The following FGL1 variants were observed in gnomAD, a reference collection of about 807,000 sequenced individuals.
FGL1 encodes the protein fibrinogen like 1.
FGL1 carries 59 observed loss-of-function variants against 43.7 expected under a neutral mutation model. That is an observed-to-expected ratio of 1.35 (90% CI 1.10 to 1.68). The LOEUF (loss-of-function observed/expected upper bound fraction) is 1.68, where lower values mean the gene tolerates loss of function less well. Ranked by LOEUF, FGL1 falls within the 40% of genes most tolerant of loss-of-function variation. FGL1 has a pLI of 0.00. For synonymous variants in FGL1, 192 were observed against 126.5 expected (o/e 1.52, Z -3.48); for missense variants, 596 against 373.0 (o/e 1.60, Z -4.92).
At chr8:17,866,019 T>C (rs1442582177) in intron 7 of FGL1, among the ~76,000 whole-genome samples, 1 of 152,174 alleles carries the variant, frequency 6.6e-6, no homozygotes, top group African/African-American at 2.4e-5. Flanking sequence ...TGGAAAGTAA[T>C]GTTAAAAAAA....
intron 1 of FGL1, among the ~76,000 whole-genome samples, chr8:17,889,152 T>C (rs1348261134): frequency 1.3e-5 from 2 of 152,170 alleles, no homozygotes; most frequent in East Asian, 1.9e-4. Flanking sequence ...GGGCCCATCA[T>C]CAAGGGGACA....
chr8:17,868,585 A>C lies in FGL1; in HGVS notation c.742T>G (p.Cys248Gly). Residue 248 changes from cysteine (C) to glycine (G), a missense_variant, in exon 7 of 8, where the codon TGC (cysteine) becomes GGC (glycine). Transcript: ENST00000427924. ...CAGCCAGACTGATCTTCTTCTGCGCAGTTCCCTTCATAGTTGTCATGATCT... is the reference window on the plus strand; with the variant it reads ...CAGCCAGACTGATCTTCTTCTGCGCCGTTCCCTTCATAGTTGTCATGATCT... ...DRDHDNYEGN[C>G]AEEDQSGWWF... 1 of 1,613,896 alleles carries C rather than the reference A, an allele frequency of 6.2e-7. No individual in the cohort carries two copies. Among genetic ancestry groups the C allele is most frequent in the Non-Finnish European group, 8.5e-7 (1 of 1,179,942 alleles).
chr8:17,893,535 T>A (rs912432633), intron 1 of FGL1, among the ~76,000 whole-genome samples: 1 of 150,432 alleles, frequency 6.6e-6, no homozygotes, highest in East Asian at 1.9e-4. Context: ...CTTGATGTCC[T>A]GAAATGTTTA....
intron 3 of FGL1, among the ~76,000 whole-genome samples, chr8:17,878,396 G>A (rs1024040025): frequency 6.6e-6 from 1 of 152,120 alleles, no homozygotes; most frequent in Non-Finnish European, 1.5e-5. Flanking sequence ...TGGGCAGCTG[G>A]ACTTTGAAAT....
chr8:17,874,636 A>G, intron 3 of FGL1, 115 bp from the exon 4 acceptor site: 2 of 640,266 alleles, frequency 3.1e-6, no homozygotes, highest in Non-Finnish European at 4.9e-6. Context: ...CACATGGTAT[A>G]GAAATCAGCG....
At chr8:17,882,661 GCTGT>G (rs1428660741) in intron 2 of FGL1, 1 of 128,534 alleles carries the variant, frequency 7.8e-6, no homozygotes, top group African/African-American at 3.6e-5. Flanking sequence ...TTTTTGAATG[GCTGT>G]CTGGTATAAA....
intron 5 of FGL1, among the ~76,000 whole-genome samples, chr8:17,869,983 A>G (rs1310631481): frequency 6.6e-6 from 1 of 152,018 alleles, no homozygotes; most frequent in Admixed American, 6.6e-5. Context: ...GGTGGCGGGC[A>G]CCTGTAGTCC....
chr8:17,868,322 G>C (rs1413599884), intron 7 of FGL1: 1 of 339,026 alleles, frequency 2.9e-6, no homozygotes, highest in African/African-American at 2.1e-5. Flanking sequence ...AATGATCTTT[G>C]TAAAAGTAAT....
rs769616084 is a variant in FGL1, at chr8:17,874,490, C to G, written c.276G>C (p.Lys92Asn). The G allele has an allele frequency of 1.2e-6, 2 of 1,610,014 alleles. No individual in the cohort carries two copies. The highest frequency in any genetic ancestry group is 2.7e-5 in the African/African-American group (2 of 74,642). The stretch of plus-strand genomic sequence containing the variant: ...GTTTGATTTTGTAAAATCCACTGAG[C>G]TTATACCCATCATTGAAAATCTCTG... ...DCSEIFNDGY[K>N]LSGFYKIKPL... Residue 92 changes from lysine to asparagine, a missense_variant, in exon 4 of 8, where the codon AAG becomes AAC. Coordinates refer to ENST00000427924, the MANE Select transcript of FGL1 (RefSeq NM_004467.4).
intron 1 of FGL1, among the ~76,000 whole-genome samples, chr8:17,892,558 A>C (rs1016480864): frequency 6.6e-6 from 1 of 152,202 alleles, no homozygotes; most frequent in Non-Finnish European, 1.5e-5. Flanking sequence ...ACGACATGAC[A>C]TAAATACCAT....
rs1563452139 is a variant in FGL1, at chr8:17,875,491, CTTT to C, written c.245-973_245-971del. 1.2e-3 allele frequency among the ~76,000 whole-genome samples: 10 copies of C among 8,240 alleles called. 1 individual carries two copies. The highest frequency in any genetic ancestry group is 2.7e-3 in the African/African-American group (9 of 3,330). The allele number at this position is 8,240 out of a possible 152,430, so 5.4% of individuals were successfully genotyped here. ...ACCAAAAAGTGATATCTCTTTCTTT[CTTT>C]CTTTCTTTCTTTCTTTCTTTCTTTC... On this transcript the variant is annotated intron_variant, in intron 3 of 7. Transcript: ENST00000427924.
intron 5 of FGL1, among the ~76,000 whole-genome samples, chr8:17,872,595 G>A (rs910564688): frequency 1.3e-5 from 2 of 152,134 alleles, no homozygotes; most frequent in African/African-American, 4.8e-5. Flanking sequence ...GAGCCACCAT[G>A]CCCAGCTGTT....
intron 5 of FGL1, among the ~76,000 whole-genome samples, chr8:17,872,698 C>G (rs2053382423): frequency 6.6e-6 from 1 of 152,052 alleles, no homozygotes; most frequent in South Asian, 2.1e-4. Context: ...TTGAGTGGGA[C>G]TGATGATAAT....
At chr8:17,881,833 CA>C (rs796756857) in intron 3 of FGL1, among the ~76,000 whole-genome samples, 165 bp downstream of exon 3, 10,184 of 103,222 alleles carry the variant, frequency 0.099, 351 homozygotes, top group South Asian at 0.14. Context: ...GACTCCGCCT[CA>C]AAAAAAAAAA....
Position 17,895,481 on chromosome 8 carries a change from G to C in FGL1, c.-52C>G. ...GAAGTGAGTCAGAGACCCAGCTCAGGTTCCATCCAGACACTCTGCTTCCCA... is the reference window on the plus strand; with the variant it reads ...GAAGTGAGTCAGAGACCCAGCTCAGCTTCCATCCAGACACTCTGCTTCCCA... On this transcript the variant is annotated 5_prime_UTR_variant, in exon 1 of 8. Coordinates refer to ENST00000427924, the MANE Select transcript of FGL1 (RefSeq NM_004467.4). The C allele has an allele frequency of 1.6e-6, 2 of 1,283,422 alleles. No homozygotes were observed. The highest frequency in any genetic ancestry group is 1.2e-5 in the South Asian group (1 of 80,782). The allele number at this position is 1,283,422 out of a possible 1,614,324, so 79.5% of individuals were successfully genotyped here. A position where few individuals can be genotyped will look rare whatever the true frequency, so the allele number is the denominator to read the frequency against.
In FGL1 at chr8:17,874,126, G is replaced by A. The variant is rs374582234; in HGVS notation, c.405-10C>T. ...ATAGTCTTTCCATCCTCTAAAAAAG[G>A]TAAAGTGGAAGCCGATTAGAGCAAA... On this transcript the variant is annotated splice_polypyrimidine_tract_variant and intron_variant, in intron 4 of 7. Transcript: ENST00000427924. The A allele has an allele frequency of 1.9e-6, 3 of 1,606,430 alleles. No individual in the cohort carries two copies. The highest frequency in any genetic ancestry group is 2.6e-6 in the Non-Finnish European group (3 of 1,175,580).
At chr8:17,892,085 T>A (rs373706735) in intron 1 of FGL1, among the ~76,000 whole-genome samples, 11 of 152,224 alleles carry the variant, frequency 7.2e-5, no homozygotes, top group African/African-American at 2.2e-4. Context: ...AAATATGTTT[T>A]TTGAGCAAAA....
intron 3 of FGL1, among the ~76,000 whole-genome samples, chr8:17,875,255 G>A (rs913021900): frequency 6.6e-6 from 1 of 152,160 alleles, no homozygotes; most frequent in Non-Finnish European, 1.5e-5. Context: ...TGTGTGCCAT[G>A]TTGGTGTGCT....
At position 17,885,482 on chromosome 8, in the gene FGL1, A is replaced by T. The variant is rs1372690497; in HGVS notation, c.63+10T>A. On this transcript the variant is annotated intron_variant, in intron 2 of 7. Transcript: ENST00000427924. The stretch of plus-strand genomic sequence containing the variant: ...TATAAATATGACAATAGTTTTCCCA[A>T]GAAGCTTACCGAAATTTCCCTGCCC... 2 of 1,605,622 alleles carry T rather than the reference A, an allele frequency of 1.2e-6. No individual in the cohort carries two copies. Among genetic ancestry groups the T allele is most frequent in the South Asian group, 2.2e-5 (2 of 90,446 alleles).
Sources: gnomAD v4.1 joint callset for allele counts (sites outside exome capture counted in the v4.1 genomes callset) on GRCh38, gnomAD v4.1.1 for gene constraint, MANE v1.5 for transcripts, NCBI Gene and HGNC (gene_info 2026-07-23, HGNC 2026-07-21) for gene names.